DLG2: variants seen among roughly 807,000 people sequenced by gnomAD.
DLG2 encodes the protein disks large homolog 2.
In DLG2, 45 loss-of-function variants were observed where a neutral mutation model predicts 132.5. The observed-to-expected ratio is 0.34, with a 90% CI of 0.27 to 0.44. DLG2 has a LOEUF of 0.44. DLG2 is among the 20% of genes least tolerant of loss of function. DLG2 has a pLI of 1.00. For synonymous variants in DLG2, 424 were observed against 419.6 expected (o/e 1.01, Z -0.13); for missense variants, 1,045 against 1,196.9 (o/e 0.87, Z 1.87).
intron 18 of DLG2, among the ~76,000 whole-genome samples, chr11:83,730,516 A>G (rs565105916): frequency 6.6e-6 from 1 of 152,128 alleles, no homozygotes; most frequent in Non-Finnish European, 1.5e-5. Context: ...CAGCACATAG[A>G]TTTACAAAGA....
chr11:83,526,332 C>G (rs1025147474), intron 21 of DLG2, among the ~76,000 whole-genome samples: 1 of 152,302 alleles, frequency 6.6e-6, no homozygotes, highest in East Asian at 1.9e-4. Context: ...TAATAGCTTT[C>G]TCAAACATTT....
At chr11:83,885,166 TCAAAC>T (rs901184042) in intron 15 of DLG2, among the ~76,000 whole-genome samples, 4 of 152,232 alleles carry the variant, frequency 2.6e-5, no homozygotes, top group Admixed American at 2.0e-4. Context: ...AGGAGGAAAT[TCAAAC>T]CAAAGACAAA....
At position 83,578,824 on chromosome 11, in the gene DLG2, C is replaced by T. The variant is rs574510438; in HGVS notation, c.1941-36966G>A. Among the ~76,000 whole-genome samples, 82 of 152,226 alleles carry T rather than the reference C, an allele frequency of 5.4e-4. No homozygotes were observed. In the South Asian group the frequency reaches 7.9e-3, roughly 15 times the overall value. On this transcript the variant is annotated intron_variant, in intron 19 of 27. Coordinates refer to ENST00000376104, the MANE Select transcript of DLG2 (RefSeq NM_001142699.3). ...ATCAACAATATATTCTTTTCAAGTG[C>T]GTATGAAACATTTACCAACAAAGAT...
chr11:84,684,208 G>A (rs537527125), intron 6 of DLG2, among the ~76,000 whole-genome samples: 1 of 152,168 alleles, frequency 6.6e-6, no homozygotes, highest in Non-Finnish European at 1.5e-5. Context: ...GATCTGAAAT[G>A]ACAAGCTGAG....
chr11:85,091,190 C>T (rs939355239), intron 6 of DLG2, among the ~76,000 whole-genome samples: 1 of 152,180 alleles, frequency 6.6e-6, no homozygotes, highest in African/African-American at 2.4e-5. Context: ...AACTATGCCA[C>T]CAGTGCATAT....
In DLG2 at chr11:85,627,304, C is replaced by G. The variant is rs143618254; in HGVS notation, c.-346G>C. ...AGCCCCCAGGCTTGATCCTTAATGC[C>G]CCTCTGATTCTGATCCTCCCATGTA... On this transcript the variant is annotated 5_prime_UTR_variant, in exon 1 of 28. Coordinates refer to ENST00000376104, the MANE Select transcript of DLG2 (RefSeq NM_001142699.3). 1 of 152,092 alleles carries G rather than the reference C, an allele frequency of 6.6e-6. No homozygotes were observed. Among genetic ancestry groups the G allele is most frequent in the South Asian group, 2.1e-4 (1 of 4,822 alleles). The allele number at this position is 152,092 out of a possible 1,614,324, so 9.4% of individuals were successfully genotyped here.
intron 6 of DLG2, among the ~76,000 whole-genome samples, chr11:84,911,890 G>A (rs117135536): frequency 2.6e-5 from 4 of 152,022 alleles, no homozygotes; most frequent in East Asian, 1.9e-4. Flanking sequence ...TGTATATTAC[G>A]TAGAGGTCTT....
At chr11:85,420,436 C>T (rs527274525) in intron 3 of DLG2, among the ~76,000 whole-genome samples, 2 of 152,276 alleles carry the variant, frequency 1.3e-5, no homozygotes, top group South Asian at 4.1e-4. Context: ...AGGAGGCAGT[C>T]TGTCCCTTAG....
intron 7 of DLG2, among the ~76,000 whole-genome samples, chr11:84,444,550 A>C (rs2099027234): frequency 6.6e-6 from 1 of 151,658 alleles, no homozygotes; most frequent in Non-Finnish European, 1.5e-5. Context: ...TTCCTTACTG[A>C]TTTCTAATGT....
intron 6 of DLG2, among the ~76,000 whole-genome samples, chr11:85,088,259 G>A (rs1484920352): frequency 6.6e-6 from 1 of 152,182 alleles, no homozygotes; most frequent in Non-Finnish European, 1.5e-5. Context: ...AGCGACCTGA[G>A]CAATGGGAAA....
rs76590032 is a variant in DLG2, at chr11:84,909,256, A to G, written c.357+202405T>C. Among the ~76,000 whole-genome samples the G allele has an allele frequency of 6.3e-3, 957 of 152,308 alleles. 10 individuals are homozygous for G. Among genetic ancestry groups the G allele is most frequent in the African/African-American group, 0.021 (892 of 41,572 alleles). Reference sequence around the variant, plus strand: ...TTACAAGATTACTGAATCAAAACAAATTCCAGTATCTTTCCCTTGATCTTT... The same window carrying G: ...TTACAAGATTACTGAATCAAAACAAGTTCCAGTATCTTTCCCTTGATCTTT... On this transcript the variant is annotated intron_variant, in intron 6 of 27. Transcript: ENST00000376104.
intron 3 of DLG2, among the ~76,000 whole-genome samples, chr11:85,519,141 C>T (rs539088124): frequency 2.6e-5 from 4 of 152,218 alleles, no homozygotes; most frequent in African/African-American, 9.6e-5. Flanking sequence ...ACACAGAGTC[C>T]CTACTGGGGC....
intron 6 of DLG2, among the ~76,000 whole-genome samples, chr11:85,033,845 G>A (rs961625213): frequency 6.6e-6 from 1 of 152,056 alleles, no homozygotes; most frequent in Non-Finnish European, 1.5e-5. Context: ...AATTCCACTG[G>A]AATATTATGA....
At chr11:83,716,542 G>C (rs1240649029) in intron 18 of DLG2, among the ~76,000 whole-genome samples, 2 of 152,060 alleles carry the variant, frequency 1.3e-5, no homozygotes, top group African/African-American at 4.8e-5. Context: ...CTATGCTCGG[G>C]GATATACAAA....
chr11:85,494,414 T>C (rs192019047), intron 3 of DLG2, among the ~76,000 whole-genome samples: 1 of 152,326 alleles, frequency 6.6e-6, no homozygotes, highest in East Asian at 1.9e-4. Context: ...AAAATCTTGG[T>C]TGATGTGGTA....
Position 85,186,223 on chromosome 11 carries a change from TA to T in DLG2, c.187-31573del, listed in dbSNP as rs552274421. Among the ~76,000 whole-genome samples, 3 of 152,112 alleles carry T rather than the reference TA, an allele frequency of 2.0e-5. No individual in the cohort carries two copies. In the South Asian group the frequency reaches 6.2e-4, roughly 32 times the overall value. On this transcript the variant is annotated intron_variant, in intron 4 of 27. Transcript: ENST00000376104. ...TTTTCTAGTAGCTGTATTAAAAAAG[TA>T]AAAAGAAACAAAATTAATTTAAATA...
At chr11:84,849,073 G>A (rs1047006187) in intron 6 of DLG2, among the ~76,000 whole-genome samples, 2 of 152,126 alleles carry the variant, frequency 1.3e-5, no homozygotes, top group African/African-American at 4.8e-5. Flanking sequence ...ACCTGGCAAG[G>A]TCACATGGAG....
rs768420271 is a variant in DLG2 at position 84,420,650 on chromosome 11, C to CTT, written c.519+113918_519+113919dup. 1.2e-3 allele frequency among the ~76,000 whole-genome samples: 51 copies of CTT among 42,234 alleles called. 14 individuals are homozygous for CTT. The highest frequency in any genetic ancestry group is 2.8e-3 in the African/African-American group (40 of 14,140). 27.7% of individuals were successfully genotyped at this position (42,234 alleles called of 152,430 possible). ...CAGCACAGTGACCAATGCTTGTTTT[C>CTT]TTTTTTTTTTTTTTTTTTTTTTTTT... On this transcript the variant is annotated intron_variant, in intron 7 of 27. Transcript: ENST00000376104.
intron 3 of DLG2, among the ~76,000 whole-genome samples, chr11:85,560,465 T>C (rs1432994528): frequency 1.3e-5 from 2 of 151,760 alleles, no homozygotes; most frequent in African/African-American, 4.8e-5. Flanking sequence ...TTATGGTAAG[T>C]GAAAGAAACT....
Sources: allele counts gnomAD v4.1 joint callset (sites outside exome capture counted in the v4.1 genomes callset), GRCh38; gene constraint gnomAD v4.1.1; transcripts MANE v1.5; gene names NCBI Gene and HGNC (gene_info 2026-07-23, HGNC 2026-07-21).